Variants in CFAP52 observed in about 807,000 individuals in gnomAD.
CFAP52 encodes cilia- and flagella-associated protein 52.
In CFAP52, 57 loss-of-function variants were observed where a neutral mutation model predicts 70.5. The observed-to-expected ratio is 0.81, with a 90% CI of 0.65 to 1.01. CFAP52 has a LOEUF of 1.01. CFAP52 is among the 50% of genes least tolerant of loss of function. CFAP52 has a pLI of 0.00. For missense variants in CFAP52, 785 were observed against 788.5 expected, an observed-to-expected ratio of 1.00 and a Z score of 0.05; for synonymous variants, 267 against 292.5, an observed-to-expected ratio of 0.91 and a Z score of 0.89.
At chr17:9,588,764 A>G (rs1456913039) in intron 3 of CFAP52, among the ~76,000 whole-genome samples, 1 of 122,474 alleles carries the variant, frequency 8.2e-6, no homozygotes, top group African/African-American at 3.2e-5. Flanking sequence ...TTTTTTAGCC[A>G]CAGAAAAGAA....
rs140676432 is a variant in CFAP52, at chr17:9,636,412, G to A, written c.1472+856G>A. On this transcript the variant is annotated intron_variant, in intron 11 of 13. Coordinates refer to ENST00000352665, the MANE Select transcript of CFAP52 (RefSeq NM_145054.5). ...CCCGGGGACCTCTTATGCTCCGAGC[G>A]TATCACACCCCCATAGAATGACTAA... Among the ~76,000 whole-genome samples, 11 of 152,194 alleles carry A rather than the reference G, an allele frequency of 7.2e-5. No homozygotes were observed. In the East Asian group the frequency reaches 1.5e-3, roughly 21 times the overall value.
intron 1 of CFAP52, among the ~76,000 whole-genome samples, chr17:9,579,974 G>A (rs1010388499): frequency 3.9e-5 from 6 of 152,186 alleles, no homozygotes. Flanking sequence ...AAATATACTT[G>A]TGTTAAAAAC....
intron 8 of CFAP52, among the ~76,000 whole-genome samples, chr17:9,616,313 C>T (rs1190342193): frequency 4.7e-5 from 6 of 126,966 alleles, no homozygotes; most frequent in African/African-American, 6.4e-5. Flanking sequence ...CGGCGCACCA[C>T]GAGACTATAT....
intron 6 of CFAP52, among the ~76,000 whole-genome samples, chr17:9,606,389 A>G (rs1190319179): frequency 6.8e-6 from 1 of 146,410 alleles, no homozygotes; most frequent in African/African-American, 2.7e-5. Flanking sequence ...CAAAATACAC[A>G]CACACACACA....
At chr17:9,578,287 T>A (rs1908056313) in intron 1 of CFAP52, among the ~76,000 whole-genome samples, 1 of 152,150 alleles carries the variant, frequency 6.6e-6, no homozygotes, top group South Asian at 2.1e-4. Flanking sequence ...TCAAAAGGCC[T>A]TTTCAGGACA....
intron 5 of CFAP52, among the ~76,000 whole-genome samples, 200 bp from the exon 6 acceptor site, chr17:9,599,867 G>A (rs1172421489): frequency 1.3e-5 from 2 of 151,610 alleles, no homozygotes; most frequent in African/African-American, 2.4e-5. Context: ...TCAGCCTCCC[G>A]AGTAGCTGGG....
At chr17:9,593,279 G>T (rs566088087) in intron 3 of CFAP52, among the ~76,000 whole-genome samples, 70 of 152,252 alleles carry the variant, frequency 4.6e-4, no homozygotes, top group African/African-American at 1.6e-3. Flanking sequence ...GCACCCAGAA[G>T]AAGGAAGTGT....
chr17:9,587,632 C>A (rs1338150974), intron 3 of CFAP52, among the ~76,000 whole-genome samples: 1 of 152,140 alleles, frequency 6.6e-6, no homozygotes, highest in Admixed American at 6.6e-5. Flanking sequence ...TGATATTGAG[C>A]CTTTTTTCAT....
At position 9,609,405 on chromosome 17, in the gene CFAP52, A is replaced by G. The variant is rs577343571; in HGVS notation, c.854+1186A>G. 3.3e-5 allele frequency among the ~76,000 whole-genome samples: 5 copies of G among 152,278 alleles called. No individual in the cohort carries two copies. The South Asian group carries it at 1.0e-3, about 32-fold the overall frequency. ...GTAAGGGGATTATGGTTTGAATAGA[A>G]GCAGGGAGGCCAGGTGCAGTGGCTC... On this transcript the variant is annotated intron_variant, in intron 7 of 13. Coordinates refer to ENST00000352665, the MANE Select transcript of CFAP52 (RefSeq NM_145054.5).
chr17:9,640,613 T>C (rs377355973), intron 12 of CFAP52, among the ~76,000 whole-genome samples: 1 of 152,102 alleles, frequency 6.6e-6, no homozygotes, highest in Non-Finnish European at 1.5e-5. Context: ...CCGTGGTATA[T>C]ATCTGCCACA....
chr17:9,596,778 C>T (rs776879597), intron 4 of CFAP52, among the ~76,000 whole-genome samples: 8 of 151,858 alleles, frequency 5.3e-5, no homozygotes, highest in Non-Finnish European at 8.8e-5. Flanking sequence ...TGCAGTGGCA[C>T]GATCTCGGCT....
intron 9 of CFAP52, among the ~76,000 whole-genome samples, chr17:9,630,307 G>T (rs967908613): frequency 1.3e-5 from 2 of 150,670 alleles, no homozygotes; most frequent in Non-Finnish European, 1.5e-5. Flanking sequence ...GGCCAGGCGC[G>T]GTGGCTCACG....
chr17:9,597,619 AT>A (rs1909070329), intron 4 of CFAP52: 2 of 152,330 alleles, frequency 1.3e-5, no homozygotes, highest in African/African-American at 4.8e-5. Flanking sequence ...CCTGGCCAAC[AT>A]GGTGAAACCC....
In CFAP52 at chr17:9,622,731, A is replaced by G. The variant is rs113220597; in HGVS notation, c.1026-5941A>G. The stretch of plus-strand genomic sequence containing the variant: ...TTGAAGTATAACATATATGCAAAAT[A>G]CATAAATCATAAATAAGCACCTCAG... On this transcript the variant is annotated intron_variant, in intron 8 of 13. Coordinates refer to ENST00000352665, the MANE Select transcript of CFAP52 (RefSeq NM_145054.5). 5.6e-3 allele frequency among the ~76,000 whole-genome samples: 855 copies of G among 152,314 alleles called. 10 individuals carry two copies. The highest frequency in any genetic ancestry group is 0.019 in the African/African-American group (772 of 41,566).
rs1245054352 is a variant in CFAP52 at position 9,638,602 on chromosome 17, T to C, written c.1473-7T>C. 1 of 1,613,632 alleles carries C rather than the reference T, an allele frequency of 6.2e-7. No homozygotes were observed. Among genetic ancestry groups the C allele is most frequent in the Non-Finnish European group, 8.5e-7 (1 of 1,179,644 alleles). On this transcript the variant is annotated splice_region_variant and splice_polypyrimidine_tract_variant and intron_variant, in intron 11 of 13. Coordinates refer to ENST00000352665, the MANE Select transcript of CFAP52 (RefSeq NM_145054.5). ...CGACTTTCACAGCTTTTGAATCTAC[T>C]TTCCAGGCGTCTCAGGAGGAATCAG... is the stretch of plus-strand genomic sequence containing the variant.
chr17:9,578,198 C>T (rs1411865021), intron 1 of CFAP52, among the ~76,000 whole-genome samples: 1 of 152,222 alleles, frequency 6.6e-6, no homozygotes, highest in Non-Finnish European at 1.5e-5. Flanking sequence ...ATTGAACAAA[C>T]ATTGATGTAA....
chr17:9,585,764 C>G lies in CFAP52; in HGVS notation c.71-9C>G, dbSNP rs774176812. The stretch of plus-strand genomic sequence containing the variant: ...CTGATTATTATTACTGTGAATCTCT[C>G]TCTTTTAGGACATGTGCCCACTGGT... On this transcript the variant is annotated splice_polypyrimidine_tract_variant and intron_variant, in intron 1 of 13. Transcript: ENST00000352665. 2.5e-6 allele frequency: 4 copies of G among 1,613,890 alleles called. No homozygotes were observed. The highest frequency in any genetic ancestry group is 1.1e-5 in the South Asian group (1 of 91,076).
chr17:9,583,306 A>G (rs948716645), intron 1 of CFAP52, among the ~76,000 whole-genome samples: 6 of 152,176 alleles, frequency 3.9e-5, no homozygotes, highest in East Asian at 1.9e-4. Flanking sequence ...CAATAATTAC[A>G]TTTGGCCATT....
chr17:9,640,892 A>G (rs1161647815), intron 12 of CFAP52, among the ~76,000 whole-genome samples: 1 of 152,032 alleles, frequency 6.6e-6, no homozygotes, highest in Non-Finnish European at 1.5e-5. Context: ...AACGGGCCCA[A>G]CTCGGCTTCC....
Sources: gnomAD v4.1 joint callset for allele counts (sites outside exome capture counted in the v4.1 genomes callset) on GRCh38, gnomAD v4.1.1 for gene constraint, MANE v1.5 for transcripts, NCBI Gene and HGNC (gene_info 2026-07-23, HGNC 2026-07-21) for gene names.